The following GRB10 variants were observed in gnomAD, a reference collection of about 807,000 sequenced individuals.
The protein encoded by GRB10 is growth factor receptor bound protein 10, also known as growth factor receptor-bound protein 10.
Under a neutral mutation model 80.9 loss-of-function variants are expected in GRB10, and 20 were observed. The ratio of observed to expected loss-of-function variants is 0.25; its 90% CI spans 0.17 to 0.36. The LOEUF (loss-of-function observed/expected upper bound fraction) is 0.36, where lower values mean the gene tolerates loss of function less well. Among genes scored for constraint, GRB10 ranks in the 10% least tolerant of loss-of-function variants. GRB10 has a pLI of 1.00. For synonymous variants in GRB10, 291 were observed against 291.5 expected (o/e 1.00, Z 0.02); for missense variants, 548 against 747.7 (o/e 0.73, Z 3.12).
intron 2 of GRB10, among the ~76,000 whole-genome samples, chr7:50,762,218 C>T (rs538634601): frequency 6.6e-6 from 1 of 151,620 alleles, no homozygotes; most frequent in Non-Finnish European, 1.5e-5. Context: ...CCTCCCCAGC[C>T]CTTCTGCACA....
chr7:50,658,281 G>A (rs530241160), intron 7 of GRB10, among the ~76,000 whole-genome samples: 2 of 152,374 alleles, frequency 1.3e-5, no homozygotes, highest in Non-Finnish European at 2.9e-5. Context: ...CCAGCAGGCT[G>A]TTTGCTCGCA....
chr7:50,614,255 C>A (rs1034769353), intron 12 of GRB10, among the ~76,000 whole-genome samples: 10 of 152,184 alleles, frequency 6.6e-5, no homozygotes, highest in South Asian at 2.1e-4. Context: ...TATGTATGCA[C>A]GTGTGGGTAT....
upstream of GRB10, among the ~76,000 whole-genome samples, chr7:50,787,515 A>C (rs1266797618): frequency 6.6e-6 from 1 of 152,228 alleles, no homozygotes; most frequent in East Asian, 1.9e-4. Flanking sequence ...AGAGAACAGA[A>C]ACACTGTGTG....
intron 2 of GRB10, among the ~76,000 whole-genome samples, chr7:50,765,156 A>C (rs1159242889): frequency 1.3e-5 from 2 of 152,228 alleles, no homozygotes; most frequent in Non-Finnish European, 2.9e-5. Flanking sequence ...GACTATTATC[A>C]AAAAGGGAAT....
intron 1 of GRB10, chr7:50,792,321 C>A: frequency 2.5e-6 from 1 of 394,330 alleles, no homozygotes; most frequent in Non-Finnish European, 4.5e-6. Context: ...GATCCAGGAC[C>A]CTGTAAAAAT....
At chr7:50,705,134 A>G (rs1254261050) in intron 4 of GRB10, 6 of 985,156 alleles carry the variant, frequency 6.1e-6, no homozygotes, top group Non-Finnish European at 7.2e-6. Flanking sequence ...CTGCGTGCAC[A>G]CTGACCTGGG....
intron 5 of GRB10, among the ~76,000 whole-genome samples, chr7:50,680,846 G>A (rs1563418251): frequency 1.3e-5 from 2 of 151,966 alleles, no homozygotes; most frequent in Non-Finnish European, 2.9e-5. Context: ...TATCCAGGAA[G>A]GCTGCATGCA....
At chr7:50,668,329 C>G (rs2060017908) in intron 7 of GRB10, among the ~76,000 whole-genome samples, 1 of 151,402 alleles carries the variant, frequency 6.6e-6, no homozygotes, top group African/African-American at 2.4e-5. Context: ...GAAGTGAGAG[C>G]AAGTAGGGAG....
At chr7:50,784,626 C>G (rs139528372), upstream of GRB10, among the ~76,000 whole-genome samples, 1 of 152,352 alleles carries the variant, frequency 6.6e-6, no homozygotes, top group East Asian at 1.9e-4. Flanking sequence ...GAGAAATGAT[C>G]TAATGATGGA....
intron 1 of GRB10, among the ~76,000 whole-genome samples, chr7:50,791,354 T>C (rs2078907789): frequency 6.6e-6 from 1 of 152,204 alleles, no homozygotes; most frequent in Non-Finnish European, 1.5e-5. Context: ...CAGGCAATCA[T>C]CATTCTCCGA....
At chr7:50,743,049 T>C (rs2153697479) in intron 3 of GRB10, among the ~76,000 whole-genome samples, 1 of 152,328 alleles carries the variant, frequency 6.6e-6, no homozygotes, top group East Asian at 1.9e-4. Flanking sequence ...TAATAACTCT[T>C]GGGTTTTTTG....
chr7:50,699,373 T>C (rs1336125551), intron 5 of GRB10, among the ~76,000 whole-genome samples: 1 of 152,224 alleles, frequency 6.6e-6, no homozygotes, highest in East Asian at 1.9e-4. Context: ...TATGATGCAA[T>C]GTTGTAGGTT....
intron 1 of GRB10, chr7:50,792,453 T>C (rs1246839346): frequency 1.0e-5 from 4 of 398,384 alleles, no homozygotes; most frequent in African/African-American, 8.2e-5. Flanking sequence ...CTAATTTCCA[T>C]AACGCACATG....
At chr7:50,598,311 T>C (rs939606429) in intron 17 of GRB10, among the ~76,000 whole-genome samples, 5 of 152,190 alleles carry the variant, frequency 3.3e-5, no homozygotes, top group South Asian at 2.1e-4. Context: ...TCTAAGGGGA[T>C]TGCAGTTATA....
At chr7:50,714,933 A>C (rs896382838) in intron 4 of GRB10, among the ~76,000 whole-genome samples, 4 of 152,094 alleles carry the variant, frequency 2.6e-5, no homozygotes, top group African/African-American at 9.7e-5. Context: ...TTCCCCCATG[A>C]GCAGAAGGAA....
Position 50,614,800 on chromosome 7 carries a change from G to C in GRB10, c.1065C>G (p.Asn355Lys). The change falls in exon 12 of 19, where the codon AAC (asparagine) becomes AAG (lysine). Residue 355 changes from asparagine (N) to lysine (K), a missense_variant. Asn to Lys is a moderately conservative substitution (Grantham distance 94, BLOSUM62 0). Transcript: ENST00000401949. ...FSLIAGRKQY[N>K]APTDHGLCIK... ...TGCAGAGCCCGTGGTCTGTAGGGGC[G>C]TTGTACTGCTTCCTGCCAGCGATCA... 6.2e-7 allele frequency: 1 copy of C among 1,613,912 alleles called. No homozygotes were observed. Among genetic ancestry groups the C allele is most frequent in the Non-Finnish European group, 8.5e-7 (1 of 1,179,840 alleles).
rs769567337 is a variant in GRB10, at chr7:50,732,272, C to CTGG, written c.48_50dup (p.Tyr16_Gln17insHis). ...ATCAGATATATGTGCTCGCCCATAC[C>CTGG]TGGTAGTACGGATGGTGCAAAAAGG... On this transcript the variant is annotated inframe_insertion and splice_region_variant, in exon 4 of 19. Transcript: ENST00000401949. 7 of 1,613,954 alleles carry CTGG rather than the reference C, an allele frequency of 4.3e-6. No homozygotes were observed. The East Asian group carries it at 1.6e-4, about 36-fold the overall frequency.
At chr7:50,763,651 C>T (rs1562651216) in intron 2 of GRB10, among the ~76,000 whole-genome samples, 1 of 152,236 alleles carries the variant, frequency 6.6e-6, no homozygotes, top group Non-Finnish European at 1.5e-5. Context: ...CAGTTCATGG[C>T]ACCCACCAAA....
intron 7 of GRB10, among the ~76,000 whole-genome samples, chr7:50,629,741 G>C (rs2053657761): frequency 6.6e-6 from 1 of 152,246 alleles, no homozygotes. Flanking sequence ...GAGTCTTTTA[G>C]AGCTGGCAGT....
Sources: allele counts gnomAD v4.1 joint callset (sites outside exome capture counted in the v4.1 genomes callset), GRCh38; gene constraint gnomAD v4.1.1; transcripts MANE v1.5; gene names NCBI Gene and HGNC (gene_info 2026-07-23, HGNC 2026-07-21).